The following GEMIN5 variants were observed in gnomAD, a reference collection of about 807,000 sequenced individuals.
The protein encoded by GEMIN5 is gem nuclear organelle associated protein 5.
Under a neutral mutation model 176.9 loss-of-function variants are expected in GEMIN5, and 124 were observed. The ratio of observed to expected loss-of-function variants is 0.70; its 90% CI spans 0.61 to 0.81. GEMIN5 has a LOEUF of 0.81. Ranked by LOEUF, GEMIN5 falls within the 40% of genes least tolerant of loss-of-function variation. The pLI is 0.00. For missense variants in GEMIN5, 1,843 were observed against 1,814.6 expected, an observed-to-expected ratio of 1.02 and a Z score of -0.28; for synonymous variants, 673 against 665.2, an observed-to-expected ratio of 1.01 and a Z score of -0.18.
rs1434575502 is a variant in GEMIN5, at chr5:154,907,793, T to C, written c.2193A>G (p.Lys731=). 6.2e-7 allele frequency: 1 copy of C among 1,613,690 alleles called. No homozygotes were observed. Among genetic ancestry groups the C allele is most frequent in the East Asian group, 2.2e-5 (1 of 44,882 alleles). Residue 731 remains lysine (K), a synonymous_variant, in exon 16 of 28, where the codon AAA becomes AAG. Transcript: ENST00000285873. ...TTGCCTTAGGTTGAGAGAGCCGTTTTTTCTCCAATTCAATACTTTTTTTGC... is the reference window on the plus strand; with the variant it reads ...TTGCCTTAGGTTGAGAGAGCCGTTTCTTCTCCAATTCAATACTTTTTTTGC... ...PQGKKSIELE[K]KRLSQPKAKP...
At chr5:154,937,837 G>A (rs911715836) in intron 1 of GEMIN5, 131 bp downstream of exon 1, 4 of 760,682 alleles carry the variant, frequency 5.3e-6, no homozygotes, top group African/African-American at 1.9e-5. Flanking sequence ...CTTAGTGACT[G>A]TGGGCTGCCT....
intron 5 of GEMIN5, 107 bp downstream of exon 5, chr5:154,931,351 G>T (rs941033439): frequency 2.6e-6 from 3 of 1,154,358 alleles, no homozygotes; most frequent in Non-Finnish European, 3.6e-6. Context: ...AAAAAGTGAA[G>T]AACTGCTCTC....
chr5:154,897,007 T>C (rs1763365555), intron 23 of GEMIN5, among the ~76,000 whole-genome samples: 1 of 152,256 alleles, frequency 6.6e-6, no homozygotes, highest in Non-Finnish European at 1.5e-5. Flanking sequence ...ATTTAGCATA[T>C]GCTTATTAGG....
At chr5:154,898,722 C>G in intron 22 of GEMIN5, 72 bp from the exon 23 acceptor site, 1 of 1,225,810 alleles carries the variant, frequency 8.2e-7, no homozygotes, top group Non-Finnish European at 1.2e-6. Context: ...AGGATGGAAT[C>G]ATTTCTTTCT....
intron 2 of GEMIN5, 102 bp downstream of exon 2, chr5:154,936,923 C>A: frequency 1.2e-6 from 1 of 834,702 alleles, no homozygotes; most frequent in Non-Finnish European, 1.9e-6. Context: ...AACACAATTA[C>A]AAGTTACTTT....
intron 15 of GEMIN5, among the ~76,000 whole-genome samples, chr5:154,908,845 T>C (rs1360637363): frequency 6.6e-6 from 1 of 152,228 alleles, no homozygotes; most frequent in Non-Finnish European, 1.5e-5. Flanking sequence ...TAAAAGGGTA[T>C]TTCCCCTGTT....
At chr5:154,922,760 G>A (rs972733837) in intron 9 of GEMIN5, among the ~76,000 whole-genome samples, 34 of 141,602 alleles carry the variant, frequency 2.4e-4, no homozygotes, top group Admixed American at 2.4e-3. Flanking sequence ...ACAGTGGCAC[G>A]ATCTCGGCTC....
At chr5:154,935,705 G>A (rs777877995) in intron 3 of GEMIN5, 136 bp downstream of exon 3, 1 of 625,910 alleles carries the variant, frequency 1.6e-6, no homozygotes, top group Non-Finnish European at 2.8e-6. Context: ...AATAAATGAT[G>A]CCAGGGGCTC....
At chr5:154,910,711 T>C (rs1263789740) in intron 15 of GEMIN5, among the ~76,000 whole-genome samples, 2 of 152,238 alleles carry the variant, frequency 1.3e-5, no homozygotes, top group South Asian at 2.1e-4. Flanking sequence ...CTCTTTTTTT[T>C]GTTTTGAGAC....
chr5:154,904,989 T>G (rs1582658040), intron 17 of GEMIN5, among the ~76,000 whole-genome samples: 1 of 152,236 alleles, frequency 6.6e-6, no homozygotes, highest in East Asian at 1.9e-4. Context: ...GGCCAGCAGT[T>G]CGAGACCAGC....
intron 18 of GEMIN5, among the ~76,000 whole-genome samples, chr5:154,903,528 T>C (rs1225740246): frequency 6.6e-6 from 1 of 152,184 alleles, no homozygotes; most frequent in African/African-American, 2.4e-5. Context: ...AGGAAAATAA[T>C]GTGAAACTAG....
At chr5:154,926,425 A>C (rs1261704885) in intron 7 of GEMIN5, among the ~76,000 whole-genome samples, 1 of 152,184 alleles carries the variant, frequency 6.6e-6, no homozygotes, top group Non-Finnish European at 1.5e-5. Flanking sequence ...GCCTCAGCAC[A>C]GTGGAAAAAT....
chr5:154,918,478 T>A (rs993947789), intron 11 of GEMIN5, among the ~76,000 whole-genome samples: 1 of 152,174 alleles, frequency 6.6e-6, no homozygotes, highest in Non-Finnish European at 1.5e-5. Context: ...ACCTCATACA[T>A]GTCCACAGCT....
At chr5:154,892,239 T>C (rs1403256860) in intron 25 of GEMIN5, 148 bp downstream of exon 25, 5 of 659,848 alleles carry the variant, frequency 7.6e-6, no homozygotes, top group Non-Finnish European at 1.3e-5. Flanking sequence ...CTTAAAAGCT[T>C]CGGTAAGAGA....
At chr5:154,898,709 T>A in intron 22 of GEMIN5, 59 bp from the exon 23 acceptor site, 1 of 1,307,104 alleles carries the variant, frequency 7.7e-7, no homozygotes, top group South Asian at 1.2e-5. Context: ...TTCCCATTCC[T>A]AGAGGATGGA....
intron 22 of GEMIN5, 84 bp downstream of exon 22, chr5:154,899,106 TA>T: frequency 7.3e-7 from 1 of 1,371,564 alleles, no homozygotes; most frequent in Non-Finnish European, 1.0e-6. Flanking sequence ...CCTCCACCTC[TA>T]AACTTATTAC....
chr5:154,904,713 A>G, intron 17 of GEMIN5, 84 bp from the exon 18 acceptor site: 1 of 1,009,300 alleles, frequency 9.9e-7, no homozygotes, highest in East Asian at 2.4e-5. Flanking sequence ...AATGTAACCT[A>G]CTGGCAGGAC....
At position 154,938,085 on chromosome 5, in the gene GEMIN5, C is replaced by T. The variant is rs1057112924; in HGVS notation, c.49G>A (p.Ala17Thr). The part of the protein sequence containing the change: ...TLPPSPNWYC[A>T]RCSDAVPGGL... ...CCGGGCACGGCATCGCTGCAGCGGG[C>T]GCAGTACCAGTTGGGGGAGGGCGGC... The change falls in exon 1 of 28, where the codon GCC becomes ACC. Residue 17 changes from alanine (A) to threonine (T), a missense_variant. Coordinates refer to ENST00000285873, the MANE Select transcript of GEMIN5 (RefSeq NM_015465.5). 2 of 1,496,972 alleles carry T rather than the reference C, an allele frequency of 1.3e-6. No individual in the cohort carries two copies. Among genetic ancestry groups the T allele is most frequent in the Non-Finnish European group, 1.8e-6 (2 of 1,126,214 alleles). 92.7% of individuals were successfully genotyped at this position (1,496,972 alleles called of 1,614,324 possible).
In GEMIN5 at chr5:154,928,704, C is replaced by G. The variant is rs372713085; in HGVS notation, c.782-45G>C. ...CCAGTGGGCACTCAAGACAGTGAAA[C>G]TACATGCATGAAGTCACCGGTGGTT... On this transcript the variant is annotated intron_variant, in intron 5 of 27. Transcript: ENST00000285873. The G allele has an allele frequency of 3.1e-6, 5 of 1,594,056 alleles. No individual in the cohort carries two copies. The African/African-American group carries it at 6.7e-5, about 21-fold the overall frequency.
Sources: gnomAD v4.1 joint callset for allele counts (sites outside exome capture counted in the v4.1 genomes callset) on GRCh38, gnomAD v4.1.1 for gene constraint, MANE v1.5 for transcripts, NCBI Gene and HGNC (gene_info 2026-07-23, HGNC 2026-07-21) for gene names.